ALK: variants seen among roughly 807,000 people sequenced by gnomAD.
The protein encoded by ALK is ALK receptor tyrosine kinase.
Under a neutral mutation model 163.1 loss-of-function variants are expected in ALK, and 74 were observed. The observed-to-expected ratio is 0.45, with a 90% CI of 0.38 to 0.55. The LOEUF is 0.55. Among genes scored for constraint, ALK ranks in the 20% least tolerant of loss-of-function variants. The probability of loss-of-function intolerance (pLI) is 0.00; values close to 1 mark genes in which losing one functional copy is unlikely to be tolerated. For synonymous variants in ALK, 960 were observed against 843.2 expected, an observed-to-expected ratio of 1.14 and a Z score of -2.40; for missense variants, 2,063 against 2,105.3, an observed-to-expected ratio of 0.98 and a Z score of 0.39.
chr2:29,641,567 A>C (rs919299736), intron 3 of ALK, among the ~76,000 whole-genome samples: 5 of 152,168 alleles, frequency 3.3e-5, no homozygotes, highest in African/African-American at 1.2e-4. Flanking sequence ...TCTTGGTAAT[A>C]ATAATAATGA....
intron 5 of ALK, among the ~76,000 whole-genome samples, chr2:29,357,387 G>A (rs899878440): frequency 7.2e-5 from 11 of 152,136 alleles, no homozygotes; most frequent in African/African-American, 2.4e-4. Flanking sequence ...CTCAGCTCAC[G>A]CTGATCTTTG....
chr2:29,413,441 G>A (rs1474779708), intron 4 of ALK, among the ~76,000 whole-genome samples: 3 of 152,116 alleles, frequency 2.0e-5, no homozygotes, highest in South Asian at 4.2e-4. Context: ...CCGCCTCCCA[G>A]GTTCAATTGA....
intron 4 of ALK, among the ~76,000 whole-genome samples, chr2:29,498,575 G>C (rs1251235038): frequency 6.6e-6 from 1 of 152,188 alleles, no homozygotes; most frequent in Non-Finnish European, 1.5e-5. Flanking sequence ...GCCTGCTCTG[G>C]AACATTCTGC....
intron 2 of ALK, 32 bp downstream of exon 2, chr2:29,717,546 G>A: frequency 1.9e-6 from 3 of 1,611,732 alleles, no homozygotes; most frequent in Non-Finnish European, 2.5e-6. Flanking sequence ...TAGTGACAGT[G>A]TATCTCAAGT....
intron 8 of ALK, among the ~76,000 whole-genome samples, chr2:29,314,010 G>T (rs1173509704): frequency 6.6e-6 from 1 of 152,034 alleles, no homozygotes; most frequent in African/African-American, 2.4e-5. Context: ...GCCGAGGTCG[G>T]GGGCAAGCTT....
At chr2:29,642,076 G>A (rs1014866153) in intron 3 of ALK, among the ~76,000 whole-genome samples, 1 of 152,160 alleles carries the variant, frequency 6.6e-6, no homozygotes, top group African/African-American at 2.4e-5. Context: ...GTCTTCAAAA[G>A]TCTAGGACAC....
At chr2:29,406,240 G>A (rs556781358) in intron 4 of ALK, among the ~76,000 whole-genome samples, 10 of 152,304 alleles carry the variant, frequency 6.6e-5, no homozygotes, top group Non-Finnish European at 1.0e-4. Flanking sequence ...TATAGCAAAG[G>A]CTGAAGGAAT....
At chr2:29,346,323 A>G (rs943558764) in intron 5 of ALK, among the ~76,000 whole-genome samples, 2 of 152,194 alleles carry the variant, frequency 1.3e-5, no homozygotes, top group South Asian at 2.1e-4. Context: ...GAAGGTACCA[A>G]TTGAATGCAG....
chr2:29,346,863 C>G (rs13000435), intron 5 of ALK, among the ~76,000 whole-genome samples: 38,424 of 152,040 alleles, frequency 0.25, 5,768 homozygotes, highest in Middle Eastern at 0.36. Context: ...AGCTGACCAG[C>G]CAGGCAGTCC....
At chr2:29,623,467 T>C (rs4998136) in intron 3 of ALK, among the ~76,000 whole-genome samples, 96,319 of 151,678 alleles carry the variant, frequency 0.64, 31,601 homozygotes, top group Middle Eastern at 0.74. Flanking sequence ...ATAATGATTA[T>C]GTGAAATAAA....
chr2:29,802,729 C>G (rs532422077), intron 1 of ALK, among the ~76,000 whole-genome samples: 1 of 151,572 alleles, frequency 6.6e-6, no homozygotes, highest in Admixed American at 6.6e-5. Flanking sequence ...GTTCTATACC[C>G]TTGTACCTAC....
chr2:29,344,867 T>C (rs558265930), intron 5 of ALK, among the ~76,000 whole-genome samples: 1 of 152,120 alleles, frequency 6.6e-6, no homozygotes, highest in Non-Finnish European at 1.5e-5. Context: ...GTAAGAATTC[T>C]AAACAAAAGA....
intron 23 of ALK, among the ~76,000 whole-genome samples, chr2:29,218,577 G>A (rs528153254): frequency 6.6e-6 from 1 of 152,238 alleles, no homozygotes; most frequent in East Asian, 1.9e-4. Context: ...AGGGGGAGGG[G>A]AGAGAGGGAG....
chr2:29,485,869 T>A (rs1021451323), intron 4 of ALK, among the ~76,000 whole-genome samples: 3 of 152,186 alleles, frequency 2.0e-5, no homozygotes, highest in African/African-American at 4.8e-5. Context: ...GCATTTTTTT[T>A]AGGATCCTTT....
chr2:29,213,907 G>T (rs1476915925), intron 24 of ALK, 77 bp downstream of exon 24: 2 of 1,249,034 alleles, frequency 1.6e-6, no homozygotes, highest in Non-Finnish European at 2.4e-6. Context: ...AGGGGGAAAT[G>T]TGAGCCCTTG....
intron 3 of ALK, among the ~76,000 whole-genome samples, chr2:29,533,566 G>A (rs1673173783): frequency 6.6e-6 from 1 of 152,200 alleles, no homozygotes; most frequent in African/African-American, 2.4e-5. Context: ...TGGCCAGGAT[G>A]TATAGCTTTG....
intron 3 of ALK, among the ~76,000 whole-genome samples, chr2:29,607,822 T>A (rs1034837855): frequency 2.6e-5 from 4 of 152,088 alleles, no homozygotes; most frequent in Non-Finnish European, 5.9e-5. Context: ...TCTCATCCTG[T>A]CTCGTGGCTT....
chr2:29,748,912 A>T (rs1444260038), intron 1 of ALK, among the ~76,000 whole-genome samples: 1 of 152,052 alleles, frequency 6.6e-6, no homozygotes, highest in Non-Finnish European at 1.5e-5. Flanking sequence ...CTCCTGGCTA[A>T]TTTTTGTATT....
chr2:29,412,348 C>T (rs1253113386), intron 4 of ALK, among the ~76,000 whole-genome samples: 1 of 152,178 alleles, frequency 6.6e-6, no homozygotes, highest in Non-Finnish European at 1.5e-5. Flanking sequence ...TCCTGTAGTA[C>T]AGTGGCGCTG....
Sources: gnomAD v4.1 joint callset for allele counts (sites outside exome capture counted in the v4.1 genomes callset) on GRCh38, gnomAD v4.1.1 for gene constraint, MANE v1.5 for transcripts, NCBI Gene and HGNC (gene_info 2026-07-23, HGNC 2026-07-21) for gene names.